The following HSPA14 variants were observed in gnomAD, a reference collection of about 807,000 sequenced individuals.
HSPA14 encodes the protein heat shock 70 kDa protein 14.
HSPA14 carries 37 observed loss-of-function variants against 65.5 expected under a neutral mutation model. The ratio of observed to expected loss-of-function variants is 0.56; its 90% confidence interval spans 0.43 to 0.74. The LOEUF (loss-of-function observed/expected upper bound fraction) is 0.74, where lower values mean the gene tolerates loss of function less well. Among genes scored for constraint, HSPA14 ranks in the 30% least tolerant of loss-of-function variants. HSPA14 has a pLI of 0.00. For missense variants in HSPA14, 564 were observed against 607.6 expected (o/e 0.93, Z 0.75); for synonymous variants, 203 against 214.2 (o/e 0.95, Z 0.46).
At chr10:14,843,344 T>C (rs917442049) in intron 3 of HSPA14, 30 of 1,550,412 alleles carry the variant, frequency 1.9e-5, no homozygotes, top group Non-Finnish European at 2.6e-5. Flanking sequence ...AATGTTCTCT[T>C]TGCAACATTG....
intron 10 of HSPA14, among the ~76,000 whole-genome samples, chr10:14,858,775 C>A (rs1246657708): frequency 1.3e-5 from 2 of 152,188 alleles, no homozygotes; most frequent in Non-Finnish European, 2.9e-5. Flanking sequence ...AATCCTCACA[C>A]AAGCTCCAGG....
At chr10:14,867,610 ATTTTC>A in intron 11 of HSPA14, 121 bp from the exon 12 acceptor site, 3 of 798,890 alleles carry the variant, frequency 3.8e-6, no homozygotes, top group Non-Finnish European at 6.1e-6. Context: ...GATTATTTCT[ATTTTC>A]TTCTCTTTGC....
At chr10:14,858,180 T>C (rs959090742) in intron 10 of HSPA14, among the ~76,000 whole-genome samples, 1 of 152,284 alleles carries the variant, frequency 6.6e-6, no homozygotes. Flanking sequence ...CTCTATAGGG[T>C]TGCTACAAGG....
At chr10:14,843,293 G>A (rs1833998663) in intron 3 of HSPA14, 1 of 1,514,862 alleles carries the variant, frequency 6.6e-7, no homozygotes, top group Non-Finnish European at 8.9e-7. Context: ...TTTATAATTT[G>A]TCTCAGCTCT....
At chr10:14,844,241 C>G in intron 3 of HSPA14, 2 of 1,097,688 alleles carry the variant, frequency 1.8e-6, no homozygotes, top group Non-Finnish European at 2.3e-6. Flanking sequence ...GCCTACCTCA[C>G]AGGGTTGTTG....
At chr10:14,870,886 T>C (rs1463640458) in intron 13 of HSPA14, among the ~76,000 whole-genome samples, 2 of 152,196 alleles carry the variant, frequency 1.3e-5, no homozygotes, top group African/African-American at 2.4e-5. Flanking sequence ...AGGAACTCTT[T>C]ATTTTGGCTA....
At position 14,851,288 on chromosome 10, in the gene HSPA14, T is replaced by A. The variant is rs1834107081; in HGVS notation, c.537T>A (p.Ala179=). 1.9e-6 allele frequency: 3 copies of A among 1,612,252 alleles called. No homozygotes were observed. Among genetic ancestry groups the A allele is most frequent in the Non-Finnish European group, 2.5e-6 (3 of 1,178,420 alleles). ...LIHEPSAALL[A]YGIGQDSPTG... is the part of the protein sequence containing the mutation. ...ACGAACCGTCTGCAGCTCTTCTTGC[T>A]TATGGAATTGGACAAGACTCCCCTA... Residue 179 remains alanine (A), a synonymous_variant, in exon 7 of 14, where the codon GCT becomes GCA. Coordinates refer to ENST00000378372, the MANE Select transcript of HSPA14 (RefSeq NM_016299.4).
At chr10:14,860,191 T>C (rs554840356) in intron 10 of HSPA14, among the ~76,000 whole-genome samples, 9 of 152,234 alleles carry the variant, frequency 5.9e-5, no homozygotes, top group Non-Finnish European at 1.0e-4. Context: ...CTTTGTAAAC[T>C]CTTTGGATTA....
At chr10:14,864,204 C>A (rs1832783647) in intron 10 of HSPA14, among the ~76,000 whole-genome samples, 1 of 143,522 alleles carries the variant, frequency 7.0e-6, no homozygotes. Context: ...AACTCCAGCC[C>A]GGGTGACAGG....
At chr10:14,859,859 GT>G (rs1832737130) in intron 10 of HSPA14, among the ~76,000 whole-genome samples, 2 of 152,168 alleles carry the variant, frequency 1.3e-5, no homozygotes, top group South Asian at 4.1e-4. Flanking sequence ...AGTTCTCTTT[GT>G]TTACAGTTCT....
At chr10:14,863,208 A>G (rs1255698391) in intron 10 of HSPA14, among the ~76,000 whole-genome samples, 1 of 152,194 alleles carries the variant, frequency 6.6e-6, no homozygotes, top group Non-Finnish European at 1.5e-5. Context: ...TAATTTTTAT[A>G]TTATTTATGC....
In HSPA14 at chr10:14,840,088, C is replaced by A; in HGVS notation, c.152C>A (p.Ala51Glu). The change falls in exon 3 of 14, where the codon GCA becomes GAA. Residue 51 changes from alanine (A) to glutamate (E), a missense_variant. Coordinates refer to ENST00000378372, the MANE Select transcript of HSPA14 (RefSeq NM_016299.4). Reference protein sequence around the residue: ...YSENEEIVGLAAKQSRIRNIS... With the variant: ...YSENEEIVGLEAKQSRIRNIS... ...TTTTTTTTTCAGATTGTTGGATTGG[C>A]AGCAAAACAAAGTAGAATAAGAAAT... 3 of 1,420,058 alleles carry A rather than the reference C, an allele frequency of 2.1e-6. No homozygotes were observed. The highest frequency in any genetic ancestry group is 2.8e-6 in the Non-Finnish European group (3 of 1,066,636). 88.0% of individuals were successfully genotyped at this position (1,420,058 alleles called of 1,614,324 possible).
chr10:14,844,263 T>G, intron 3 of HSPA14: 6 of 1,083,808 alleles, frequency 5.5e-6, no homozygotes, highest in Non-Finnish European at 6.9e-6. Flanking sequence ...GAGGATCACG[T>G]AGTTCATAGA....
At chr10:14,845,098 C>G in intron 3 of HSPA14, 1 of 985,366 alleles carries the variant, frequency 1.0e-6, no homozygotes, top group Non-Finnish European at 1.2e-6. Context: ...AAGCACTAGC[C>G]GTGAACAGAT....
intron 10 of HSPA14, among the ~76,000 whole-genome samples, chr10:14,866,815 T>G (rs1832810888): frequency 6.6e-6 from 1 of 152,178 alleles, no homozygotes; most frequent in Non-Finnish European, 1.5e-5. Flanking sequence ...ATGAACCAAG[T>G]ATGTAGCTCT....
At chr10:14,865,148 C>T (rs552465397) in intron 10 of HSPA14, among the ~76,000 whole-genome samples, 67 of 152,186 alleles carry the variant, frequency 4.4e-4, no homozygotes, top group Non-Finnish European at 7.8e-4. Flanking sequence ...TCATATCCTT[C>T]GCCCACTTGT....
At chr10:14,851,496 G>A (rs77803489) in intron 7 of HSPA14, among the ~76,000 whole-genome samples, 173 bp downstream of exon 7, 1,594 of 152,304 alleles carry the variant, frequency 0.01, 18 homozygotes, top group Non-Finnish European at 0.016. Flanking sequence ...TCCTAGGAAA[G>A]CACAGAAAGA....
intron 8 of HSPA14, 105 bp from the exon 9 acceptor site, chr10:14,854,020 A>AT: frequency 8.5e-7 from 1 of 1,170,100 alleles, no homozygotes; most frequent in African/African-American, 1.6e-5. Flanking sequence ...ACCCGGCCTG[A>AT]TTCACTAATT....
In HSPA14 at chr10:14,842,233, A is replaced by C. The variant is rs1245213897; in HGVS notation, c.221+2076A>C. On this transcript the variant is annotated intron_variant, in intron 3 of 13. Coordinates refer to ENST00000378372, the MANE Select transcript of HSPA14 (RefSeq NM_016299.4). The surrounding 1 kb of genome is among the most constrained non-coding windows in gnomAD (Gnocchi z 5.2). ...GCACACAGAGCTTCCCCACACCTTCAGACTTGCACCTTGCTGTCCAGAAGC... is the reference window on the plus strand; with the variant it reads ...GCACACAGAGCTTCCCCACACCTTCCGACTTGCACCTTGCTGTCCAGAAGC... 6.5e-7 allele frequency: 1 copy of C among 1,535,694 alleles called. No individual in the cohort carries two copies. Among genetic ancestry groups the C allele is most frequent in the Non-Finnish European group, 8.7e-7 (1 of 1,146,732 alleles).
Sources: allele counts gnomAD v4.1 joint callset (sites outside exome capture counted in the v4.1 genomes callset), GRCh38; gene constraint gnomAD v4.1.1; non-coding constraint Gnocchi (gnomAD v3.1); transcripts MANE v1.5; gene names NCBI Gene and HGNC (gene_info 2026-07-23, HGNC 2026-07-21).